PPFIA3: variants seen among roughly 807,000 people sequenced by gnomAD.
PPFIA3 encodes the protein PPFI scaffold protein A3.
Under a neutral mutation model 145.8 loss-of-function variants are expected in PPFIA3, and 26 were observed. That is an observed-to-expected ratio of 0.18 (90% confidence interval 0.13 to 0.25). The LOEUF is 0.25. Among genes scored for constraint, PPFIA3 ranks in the 10% least tolerant of loss-of-function variants. The pLI, the probability that PPFIA3 is intolerant of heterozygous loss-of-function variation, is 1.00. For missense variants in PPFIA3, 1,008 were observed against 1,587.8 expected, an observed-to-expected ratio of 0.63 and a Z score of 6.21; for synonymous variants, 645 against 661.4, an observed-to-expected ratio of 0.98 and a Z score of 0.38.
chr19:49,146,962 C>A (rs913163859), intron 23 of PPFIA3, among the ~76,000 whole-genome samples: 1 of 151,932 alleles, frequency 6.6e-6, no homozygotes, highest in Non-Finnish European at 1.5e-5. Flanking sequence ...AACAAAAAAA[C>A]CCAAGAGGCA....
At chr19:49,141,599 T>A (rs1165181144) in intron 19 of PPFIA3, 86 bp downstream of exon 19, 1 of 1,049,374 alleles carries the variant, frequency 9.5e-7, no homozygotes, top group Non-Finnish European at 1.4e-6. Flanking sequence ...TGTGTGTGTA[T>A]GAGTGTGTGT....
rs2041301728 is a variant in PPFIA3 at position 49,148,179 on chromosome 19, C to T, written c.2932C>T (p.Leu978=). 6.2e-7 allele frequency: 1 copy of T among 1,614,114 alleles called. No individual in the cohort carries two copies. The highest frequency in any genetic ancestry group is 1.3e-5 in the African/African-American group (1 of 74,930). ...ATACCGCAGCTACTTCATGGAGTCG[C>T]TGGTGGACGCTCGAATGTTAGATCA... is the stretch of plus-strand genomic sequence containing the variant. ...PQYRSYFMES[L]VDARMLDHLN... Residue 978 remains leucine, a synonymous_variant, in exon 24 of 30, where the codon CTG becomes TTG. Coordinates refer to ENST00000334186, the MANE Select transcript of PPFIA3 (RefSeq NM_003660.4).
At chr19:49,129,587 T>C in intron 5 of PPFIA3, 133 bp downstream of exon 5, 2 of 971,962 alleles carry the variant, frequency 2.1e-6, no homozygotes, top group South Asian at 3.1e-5. Context: ...AGCTATGGGG[T>C]TGGACTATGG....
rs1320453700 is a variant in PPFIA3, at chr19:49,140,067, G to A, written c.2347G>A (p.Gly783Ser). The change falls in exon 18 of 30, where the codon GGC becomes AGC. Residue 783 changes from glycine (G) to serine (S), a missense_variant. Physicochemically the swap from Gly to Ser is moderately conservative, Grantham distance 56. This residue lies in a region of PPFIA3 where 202 missense variants were observed against 241.8 expected (regional missense o/e 0.84). Transcript: ENST00000334186. ...KKEKGRMGPP[G>S]RDSSSLAGTP... ...AGAGAAGGGACGAATGGGACCCCCA[G>A]GCCGGGACAGCTCTTCTCTGGGTGA... 1.2e-6 allele frequency: 2 copies of A among 1,614,094 alleles called. No homozygotes were observed. Among genetic ancestry groups the A allele is most frequent in the Non-Finnish European group, 1.7e-6 (2 of 1,180,032 alleles).
chr19:49,138,774 C>A (rs781697253), intron 16 of PPFIA3, among the ~76,000 whole-genome samples: 1 of 152,114 alleles, frequency 6.6e-6, no homozygotes, highest in Admixed American at 6.5e-5. Flanking sequence ...GTTCGAGACC[C>A]ACCTGGCCAA....
rs545918386 is a variant in PPFIA3, at chr19:49,126,353, A to T, written c.-15-1506A>T. On this transcript the variant is annotated intron_variant, in intron 1 of 29. Transcript: ENST00000334186. ...AACCTCCACCTCCCGGGTTCAAGCG[A>T]TTCTTGTGCCTCAGCCTCCCCAGTG... Among the ~76,000 whole-genome samples the T allele has an allele frequency of 2.0e-5, 3 of 151,660 alleles. No individual in the cohort carries two copies. The East Asian group carries it at 5.8e-4, about 29-fold the overall frequency.
At chr19:49,122,773 G>C (rs1229458758) in intron 1 of PPFIA3, among the ~76,000 whole-genome samples, 1 of 147,600 alleles carries the variant, frequency 6.8e-6, no homozygotes. Flanking sequence ...CCAGGCTGGA[G>C]TGCAGTGGCG....
rs772683245 is a variant in PPFIA3 at position 49,150,158 on chromosome 19, A to G, written c.*13+7A>G. ...TGCTAGTGCAGGCCTCCAGGTGAGG[A>G]CCGTGCTGGGCGACCTTGGGGGTGC... is the stretch of plus-strand genomic sequence containing the variant. On this transcript the variant is annotated splice_region_variant and intron_variant, in intron 29 of 29. Coordinates refer to ENST00000334186, the MANE Select transcript of PPFIA3 (RefSeq NM_003660.4). 14 of 1,603,844 alleles carry G rather than the reference A, an allele frequency of 8.7e-6. No homozygotes were observed. Among genetic ancestry groups the G allele is most frequent in the Non-Finnish European group, 1.2e-5 (14 of 1,175,904 alleles).
Position 49,133,299 on chromosome 19 carries a change from G to A in PPFIA3, c.1089G>A (p.Gln363=). The A allele has an allele frequency of 6.2e-7, 1 of 1,610,806 alleles. No homozygotes were observed. Among genetic ancestry groups the A allele is most frequent in the South Asian group, 1.1e-5 (1 of 90,958 alleles). Residue 363 remains glutamine, a synonymous_variant, in exon 9 of 30, where the codon CAG becomes CAA. Coordinates refer to ENST00000334186, the MANE Select transcript of PPFIA3 (RefSeq NM_003660.4). This position sits in a 1 kb window ranked among gnomAD's most constrained non-coding sequence, Gnocchi z 7.2. ...ACGACGCCAAGCAGAAGCTGCAGCA[G>A]ACGCTGCAGAAAGCGGAGACCTTGC... is the stretch of plus-strand genomic sequence containing the variant. The part of the protein sequence containing the change: ...WLDDAKQKLQ[Q]TLQKAETLPE...
intron 7 of PPFIA3, among the ~76,000 whole-genome samples, chr19:49,132,009 CAAAA>C (rs34793375): frequency 4.3e-5 from 3 of 69,892 alleles, no homozygotes; most frequent in African/African-American, 1.4e-4. Context: ...GACTCCGTCT[CAAAA>C]AAAAAAAAAA....
intron 20 of PPFIA3, among the ~76,000 whole-genome samples, 174 bp downstream of exon 20, chr19:49,142,289 GTTTC>G (rs976478482): frequency 2.0e-5 from 3 of 152,096 alleles, no homozygotes; most frequent in African/African-American, 7.2e-5. Context: ...CACCTAAACA[GTTTC>G]TTTCTCCTTC....
chr19:49,146,455 G>C, intron 23 of PPFIA3: 1 of 570,252 alleles, frequency 1.8e-6, no homozygotes, highest in South Asian at 2.1e-5. Context: ...GGGGCTCTAA[G>C]GGGCTTCAAT....
intron 16 of PPFIA3, among the ~76,000 whole-genome samples, chr19:49,138,970 C>CA (rs36111399): frequency 4.8e-4 from 68 of 140,746 alleles, no homozygotes; most frequent in Admixed American, 6.5e-4. Context: ...AACTGTGTCT[C>CA]AAAAAAAAAA....
At chr19:49,135,972 G>A (rs895905425) in intron 14 of PPFIA3, 49 bp downstream of exon 14, 1 of 1,496,102 alleles carries the variant, frequency 6.7e-7, no homozygotes. Context: ...TGGGCGGGCA[G>A]CTGTAGGAAG....
At chr19:49,148,284 CA>C in intron 24 of PPFIA3, 26 bp downstream of exon 24, 1 of 1,607,432 alleles carries the variant, frequency 6.2e-7, no homozygotes, top group Non-Finnish European at 8.5e-7. Context: ...CCAGTGGGGA[CA>C]GTCCAAAGGG....
intron 21 of PPFIA3, among the ~76,000 whole-genome samples, chr19:49,143,810 G>T (rs2041251851): frequency 6.6e-6 from 1 of 152,120 alleles, no homozygotes; most frequent in South Asian, 2.1e-4. Flanking sequence ...AGTACAGGTT[G>T]AGTGTCCCTT....
At chr19:49,123,884 C>T (rs965092667) in intron 1 of PPFIA3, among the ~76,000 whole-genome samples, 1 of 152,168 alleles carries the variant, frequency 6.6e-6, no homozygotes, top group Admixed American at 6.5e-5. Flanking sequence ...CCTGGTGGAT[C>T]GTGGGTTTTC....
At chr19:49,134,954 C>T (rs1490880796) in intron 13 of PPFIA3, 39 bp downstream of exon 13, 2 of 1,503,444 alleles carry the variant, frequency 1.3e-6, no homozygotes, top group South Asian at 1.3e-5. Flanking sequence ...ACCATGGAGC[C>T]CCGTTGGCCA....
rs1263160824 is a variant in PPFIA3, at chr19:49,149,437, A to G, written c.3355-110A>G. 3 of 1,582,430 alleles carry G rather than the reference A, an allele frequency of 1.9e-6. No homozygotes were observed. The highest frequency in any genetic ancestry group is 3.4e-5 in the Admixed American group (2 of 58,924). On this transcript the variant is annotated intron_variant, in intron 27 of 29. Coordinates refer to ENST00000334186, the MANE Select transcript of PPFIA3 (RefSeq NM_003660.4). This position sits in a 1 kb window ranked among gnomAD's most constrained non-coding sequence, Gnocchi z 5.7. Reference sequence around the variant, plus strand: ...TCACGGTTGGAGGCGGGGCCAGGAGAGGGGCGGGGTTAAAGGAGAGGTGAG... The same window carrying G: ...TCACGGTTGGAGGCGGGGCCAGGAGGGGGGCGGGGTTAAAGGAGAGGTGAG...
Sources: gnomAD v4.1 joint callset for allele counts (sites outside exome capture counted in the v4.1 genomes callset) on GRCh38, gnomAD v4.1.1 for gene constraint, gnomAD v4.1.1 regional missense constraint, Gnocchi (gnomAD v3.1) non-coding constraint, MANE v1.5 for transcripts, NCBI Gene and HGNC (gene_info 2026-07-23, HGNC 2026-07-21) for gene names.